Variants in NRG3 observed in about 807,000 individuals in gnomAD.
NRG3 encodes the protein neuregulin 3.
Under a neutral mutation model 66.9 loss-of-function variants are expected in NRG3, and 31 were observed. The ratio of observed to expected loss-of-function variants is 0.46; its 90% confidence interval spans 0.35 to 0.63. The LOEUF (loss-of-function observed/expected upper bound fraction) is 0.63. NRG3 is among the 20% of genes least tolerant of loss of function. The pLI is 0.00. For synonymous variants in NRG3, 393 were observed against 359.4 expected, an observed-to-expected ratio of 1.09 and a Z score of -1.06; for missense variants, 910 against 878.9, an observed-to-expected ratio of 1.04 and a Z score of -0.45.
chr10:82,548,555 A>ACG (rs2044090266), intron 2 of NRG3, among the ~76,000 whole-genome samples: 3 of 147,322 alleles, frequency 2.0e-5, no homozygotes, highest in Non-Finnish European at 3.0e-5. Flanking sequence ...ACACACACAC[A>ACG]CACACGCACA....
intron 1 of NRG3, among the ~76,000 whole-genome samples, chr10:82,009,447 C>G (rs907112442): frequency 1.3e-5 from 2 of 152,098 alleles, no homozygotes; most frequent in Non-Finnish European, 2.9e-5. Context: ...GCATACATAC[C>G]TAGTCTGTGA....
chr10:82,770,427 AAC>A (rs902573746), intron 3 of NRG3, among the ~76,000 whole-genome samples: 73 of 152,218 alleles, frequency 4.8e-4, no homozygotes, highest in African/African-American at 1.8e-3. Context: ...TATTCTTGGA[AAC>A]ACATTATTTT....
At chr10:82,737,576 G>A (rs1039681893) in intron 2 of NRG3, among the ~76,000 whole-genome samples, 3 of 152,018 alleles carry the variant, frequency 2.0e-5, no homozygotes, top group Non-Finnish European at 4.4e-5. Context: ...CTCCTCTTAA[G>A]TAGGACAGAT....
chr10:81,963,112 T>A (rs924181738), intron 1 of NRG3, among the ~76,000 whole-genome samples: 3 of 146,186 alleles, frequency 2.1e-5, no homozygotes, highest in African/African-American at 7.7e-5. Flanking sequence ...AAATATGATC[T>A]GCCACGAGGG....
At chr10:82,158,129 A>G (rs1261275137) in intron 1 of NRG3, among the ~76,000 whole-genome samples, 1 of 151,768 alleles carries the variant, frequency 6.6e-6, no homozygotes, top group Non-Finnish European at 1.5e-5. Flanking sequence ...CTAGAGTGGT[A>G]ACTGAACCTT....
At chr10:82,258,816 C>T (rs1422314301) in intron 1 of NRG3, among the ~76,000 whole-genome samples, 2 of 152,108 alleles carry the variant, frequency 1.3e-5, no homozygotes, top group Non-Finnish European at 2.9e-5. Context: ...CCACATAGCT[C>T]CCTTGTGATA....
intron 1 of NRG3, among the ~76,000 whole-genome samples, chr10:82,137,905 A>C (rs1376588957): frequency 6.6e-6 from 1 of 152,156 alleles, no homozygotes; most frequent in Non-Finnish European, 1.5e-5. Context: ...TGCTTTTTTC[A>C]TGTAACTCAG....
At chr10:82,846,033 T>C (rs77901655) in intron 3 of NRG3, among the ~76,000 whole-genome samples, 2,562 of 152,302 alleles carry the variant, frequency 0.017, 61 homozygotes, top group African/African-American at 0.054. Context: ...AAACACTGTC[T>C]GGTTGAACTA....
chr10:82,631,652 C>A (rs1190858123), intron 2 of NRG3, among the ~76,000 whole-genome samples: 1 of 147,622 alleles, frequency 6.8e-6, no homozygotes, highest in Non-Finnish European at 1.5e-5. Context: ...CACTGAATTT[C>A]CTTTTTTGAT....
chr10:82,014,478 G>C (rs1050410149), intron 1 of NRG3, among the ~76,000 whole-genome samples: 1 of 152,192 alleles, frequency 6.6e-6, no homozygotes, highest in African/African-American at 2.4e-5. Flanking sequence ...CACCATCACA[G>C]AGTGTATAGA....
intron 3 of NRG3, among the ~76,000 whole-genome samples, chr10:82,850,361 T>C (rs1239263368): frequency 1.3e-5 from 2 of 152,182 alleles, no homozygotes; most frequent in African/African-American, 2.4e-5. Context: ...AGCGTGCTGC[T>C]CTCACATTTT....
At chr10:82,565,097 A>G (rs2045312397) in intron 2 of NRG3, among the ~76,000 whole-genome samples, 2 of 152,116 alleles carry the variant, frequency 1.3e-5, no homozygotes, top group Admixed American at 6.6e-5. Context: ...CGCCAGAGAA[A>G]GCAGCAGCAG....
chr10:82,468,314 C>A (rs1432202338), intron 2 of NRG3, among the ~76,000 whole-genome samples: 1 of 149,576 alleles, frequency 6.7e-6, no homozygotes, highest in Non-Finnish European at 1.5e-5. Flanking sequence ...GGTTTAATAA[C>A]TATGAACTGT....
At chr10:82,452,991 GC>G (rs2091092477) in intron 2 of NRG3, among the ~76,000 whole-genome samples, 1 of 152,092 alleles carries the variant, frequency 6.6e-6, no homozygotes, top group African/African-American at 2.4e-5. Flanking sequence ...CTCAGGGGAT[GC>G]CCCAGAGACA....
intron 2 of NRG3, among the ~76,000 whole-genome samples, chr10:82,606,144 T>G (rs1438853662): frequency 6.6e-6 from 1 of 152,162 alleles, no homozygotes; most frequent in Non-Finnish European, 1.5e-5. Context: ...GATTTCCTTT[T>G]ATTCTACTAT....
chr10:82,790,726 G>C (rs1240051244), intron 3 of NRG3, among the ~76,000 whole-genome samples: 1 of 151,778 alleles, frequency 6.6e-6, no homozygotes, highest in East Asian at 1.9e-4. Context: ...GTGATTGATG[G>C]TACCACATAG....
intron 2 of NRG3, among the ~76,000 whole-genome samples, chr10:82,634,180 G>A (rs1432314750): frequency 1.3e-5 from 2 of 152,168 alleles, no homozygotes; most frequent in East Asian, 3.9e-4. Context: ...AATGAGCCAT[G>A]TTCAAGGTAA....
intron 2 of NRG3, among the ~76,000 whole-genome samples, chr10:82,616,163 C>T (rs1299132097): frequency 6.6e-6 from 1 of 152,144 alleles, no homozygotes; most frequent in Non-Finnish European, 1.5e-5. Flanking sequence ...TAACTGGAAA[C>T]CGTTTGCACT....
intron 1 of NRG3, among the ~76,000 whole-genome samples, chr10:81,924,350 C>G (rs2144468): frequency 0.29 from 43,418 of 152,130 alleles, 7,663 homozygotes; most frequent in East Asian, 0.64. Context: ...TGTAGTTACA[C>G]CACAATGTAA....
Sources: allele counts gnomAD v4.1 joint callset (sites outside exome capture counted in the v4.1 genomes callset), GRCh38; gene constraint gnomAD v4.1.1; transcripts MANE v1.5; gene names NCBI Gene and HGNC (gene_info 2026-07-23, HGNC 2026-07-21).